The following UBTD1 variants were observed in gnomAD, a reference collection of about 807,000 sequenced individuals.
UBTD1 encodes the protein ubiquitin domain-containing protein 1.
A neutral mutation model predicts 21.7 loss-of-function variants in UBTD1; 19 were observed. The observed-to-expected ratio is 0.87, with a 90% CI of 0.61 to 1.28. The LOEUF is 1.28. Ranked by LOEUF, UBTD1 falls within the 50% of genes most tolerant of loss-of-function variation. The pLI is 0.00. For synonymous variants in UBTD1, 116 were observed against 135.1 expected (o/e 0.86, Z 0.98); for missense variants, 282 against 315.1 (o/e 0.89, Z 0.80).
chr10:97,550,727 G>A (rs2040633041), intron 1 of UBTD1, among the ~76,000 whole-genome samples: 1 of 152,062 alleles, frequency 6.6e-6, no homozygotes, highest in Admixed American at 6.5e-5. Context: ...ATTGAGTGGT[G>A]GGAGTAAACA....
rs551338068 is a variant in UBTD1, at chr10:97,529,401, G to T, written c.70+30128G>T. On this transcript the variant is annotated intron_variant, in intron 1 of 2. Transcript: ENST00000370664. ...GGCTGCAATCTCGGCACTTTGGGGG[G>T]CCAAGGCAGGCGGCTGGGAGGTGGA... Among the ~76,000 whole-genome samples, 548 of 152,332 alleles carry T rather than the reference G, an allele frequency of 3.6e-3. 7 individuals carry two copies. The highest frequency in any genetic ancestry group is 0.013 in the African/African-American group (521 of 41,578).
intron 1 of UBTD1, among the ~76,000 whole-genome samples, chr10:97,518,852 A>G (rs901858428): frequency 1.3e-5 from 2 of 152,240 alleles, no homozygotes; most frequent in African/African-American, 2.4e-5. Context: ...TGTTCACTTA[A>G]TGTTTTCCAG....
At chr10:97,560,671 A>T (rs984559105) in intron 1 of UBTD1, among the ~76,000 whole-genome samples, 11 of 152,070 alleles carry the variant, frequency 7.2e-5, no homozygotes, top group African/African-American at 2.4e-4. Flanking sequence ...AGTCTATTTC[A>T]CACAAAGTTC....
chr10:97,551,550 C>T (rs973397550), intron 1 of UBTD1, among the ~76,000 whole-genome samples: 1 of 152,172 alleles, frequency 6.6e-6, no homozygotes, highest in African/African-American at 2.4e-5. Context: ...TGACCTGAAG[C>T]TTATCTAGGA....
intron 1 of UBTD1, among the ~76,000 whole-genome samples, chr10:97,552,940 G>T (rs1484750145): frequency 1.3e-5 from 2 of 152,314 alleles, no homozygotes; most frequent in East Asian, 3.9e-4. Flanking sequence ...CAGCTTTGTA[G>T]ATAAGTCTTC....
chr10:97,507,732 C>T (rs1458390137), intron 1 of UBTD1, among the ~76,000 whole-genome samples: 4 of 136,002 alleles, frequency 2.9e-5, no homozygotes, highest in African/African-American at 1.1e-4. Flanking sequence ...GCCAAGATTG[C>T]ACCACTGCAC....
intron 1 of UBTD1, among the ~76,000 whole-genome samples, chr10:97,554,035 C>T (rs1256537980): frequency 6.6e-6 from 1 of 152,172 alleles, no homozygotes; most frequent in Non-Finnish European, 1.5e-5. Context: ...CAGCATCCTT[C>T]AGGCACGTGT....
chr10:97,542,233 G>A lies in UBTD1; in HGVS notation c.71-25681G>A, dbSNP rs117877760. 9.0e-3 allele frequency among the ~76,000 whole-genome samples: 1,376 copies of A among 152,318 alleles called. 32 individuals carry two copies. The highest frequency in any genetic ancestry group is 0.078 in the East Asian group (402 of 5,170). On this transcript the variant is annotated intron_variant, in intron 1 of 2. Transcript: ENST00000370664. ...CGGTGGGCAGGATGCGTCCTCTACA[G>A]CCAGAGGGATGGAGGGATGGGCTTT...
chr10:97,500,859 C>G (rs1315964695), intron 1 of UBTD1, among the ~76,000 whole-genome samples: 4 of 152,220 alleles, frequency 2.6e-5, no homozygotes, highest in Admixed American at 2.0e-4. Context: ...CTCTTGAACC[C>G]CAGAACCCCA....
intron 1 of UBTD1, among the ~76,000 whole-genome samples, chr10:97,553,233 G>C (rs536300113): frequency 2.6e-5 from 4 of 152,324 alleles, no homozygotes; most frequent in East Asian, 3.9e-4. Context: ...CCGGGTTCAG[G>C]CAGTTCTCCT....
At chr10:97,550,211 A>G (rs921542221) in intron 1 of UBTD1, among the ~76,000 whole-genome samples, 1 of 152,218 alleles carries the variant, frequency 6.6e-6, no homozygotes, top group African/African-American at 2.4e-5. Flanking sequence ...GCATCTGGGA[A>G]GGACACTGTT....
intron 1 of UBTD1, among the ~76,000 whole-genome samples, chr10:97,509,134 A>G (rs2040411126): frequency 6.6e-6 from 1 of 152,250 alleles, no homozygotes; most frequent in South Asian, 2.1e-4. Flanking sequence ...ATGCTTTCTC[A>G]AGTATTAGAT....
At chr10:97,549,022 C>T (rs531408913) in intron 1 of UBTD1, among the ~76,000 whole-genome samples, 1 of 152,352 alleles carries the variant, frequency 6.6e-6, no homozygotes, top group East Asian at 1.9e-4. Flanking sequence ...CAGCCGACCC[C>T]GTGAATGTGT....
At chr10:97,534,876 A>G (rs1448122683) in intron 1 of UBTD1, among the ~76,000 whole-genome samples, 3 of 152,188 alleles carry the variant, frequency 2.0e-5, no homozygotes, top group Non-Finnish European at 4.4e-5. Flanking sequence ...AATGATGTCA[A>G]GCTCTCAGTC....
chr10:97,538,026 A>G (rs4919108), intron 1 of UBTD1, among the ~76,000 whole-genome samples: 101,672 of 151,334 alleles, frequency 0.67, 34,511 homozygotes, highest in Non-Finnish European at 0.73. Context: ...GGCTTTCACC[A>G]TGTTGGCCAG....
chr10:97,557,673 T>G (rs2040671351), intron 1 of UBTD1, among the ~76,000 whole-genome samples: 1 of 152,198 alleles, frequency 6.6e-6, no homozygotes, highest in Admixed American at 6.5e-5. Context: ...GACCCCTCTT[T>G]CTTCTGTTCT....
intron 1 of UBTD1, among the ~76,000 whole-genome samples, chr10:97,521,211 G>A (rs915094273): frequency 6.6e-6 from 1 of 152,206 alleles, no homozygotes; most frequent in Non-Finnish European, 1.5e-5. Flanking sequence ...CCACAGGTAG[G>A]GGTGATGAAC....
intron 1 of UBTD1, among the ~76,000 whole-genome samples, chr10:97,541,383 C>T (rs965843068): frequency 3.2e-4 from 49 of 152,026 alleles, no homozygotes; most frequent in African/African-American, 9.6e-5. Flanking sequence ...GAGGTTGAGA[C>T]GGGAGGATTG....
chr10:97,520,071 CT>C, intron 1 of UBTD1, among the ~76,000 whole-genome samples: 1 of 152,226 alleles, frequency 6.6e-6, no homozygotes, highest in East Asian at 1.9e-4. Context: ...AGCTTTACTG[CT>C]TTGTGGTAGT....
Sources: allele counts gnomAD v4.1 joint callset (sites outside exome capture counted in the v4.1 genomes callset), GRCh38; gene constraint gnomAD v4.1.1; transcripts MANE v1.5; gene names NCBI Gene and HGNC (gene_info 2026-07-23, HGNC 2026-07-21).